The following OLFM3 variants were observed in gnomAD, a reference collection of about 807,000 sequenced individuals.
The protein encoded by OLFM3 is olfactomedin 3.
In OLFM3, 20 loss-of-function variants were observed where a neutral mutation model predicts 48.6. The observed-to-expected ratio is 0.41, with a 90% CI of 0.29 to 0.60. The LOEUF is 0.60. Ranked by LOEUF, OLFM3 falls within the 20% of genes least tolerant of loss-of-function variation. The pLI, the probability that OLFM3 is intolerant of heterozygous loss-of-function variation, is 0.28. For synonymous variants in OLFM3, 222 were observed against 198.1 expected, an observed-to-expected ratio of 1.12 and a Z score of -1.01; for missense variants, 437 against 544.3, an observed-to-expected ratio of 0.80 and a Z score of 1.96.
chr1:101,989,838 G>C (rs1661351449), intron 1 of OLFM3, among the ~76,000 whole-genome samples: 1 of 152,042 alleles, frequency 6.6e-6, no homozygotes, highest in East Asian at 1.9e-4. Flanking sequence ...TCCTAAATGC[G>C]GTCTTTTCTC....
At chr1:101,913,936 T>C (rs1201939773) in intron 1 of OLFM3, among the ~76,000 whole-genome samples, 1 of 152,088 alleles carries the variant, frequency 6.6e-6, no homozygotes, top group African/African-American at 2.4e-5. Context: ...AGAGAACCCA[T>C]TGTAAAACTC....
chr1:101,842,538 C>T (rs1361082516), intron 1 of OLFM3, among the ~76,000 whole-genome samples: 3 of 152,098 alleles, frequency 2.0e-5, no homozygotes, highest in Non-Finnish European at 2.9e-5. Flanking sequence ...CAGAGTGAGA[C>T]TGTCTGAAAA....
chr1:101,823,299 CA>C (rs1178732854), intron 4 of OLFM3, among the ~76,000 whole-genome samples: 1 of 152,034 alleles, frequency 6.6e-6, no homozygotes, highest in East Asian at 1.9e-4. Context: ...CTAGCGAGGA[CA>C]CCAGCTTAGT....
chr1:101,928,585 A>C (rs543992283), intron 1 of OLFM3, among the ~76,000 whole-genome samples: 107 of 152,216 alleles, frequency 7.0e-4, no homozygotes, highest in African/African-American at 2.5e-3. Context: ...AAGTCTTAGA[A>C]TTTCACTCAT....
At chr1:101,871,457 T>A (rs2100976733) in intron 1 of OLFM3, among the ~76,000 whole-genome samples, 1 of 152,246 alleles carries the variant, frequency 6.6e-6, no homozygotes, top group African/African-American at 2.4e-5. Context: ...TAGTAAATTG[T>A]GTAAAAATAT....
chr1:101,858,667 T>C (rs1656525482), intron 1 of OLFM3, among the ~76,000 whole-genome samples: 1 of 151,890 alleles, frequency 6.6e-6, no homozygotes, highest in South Asian at 2.1e-4. Context: ...TCACGAGATA[T>C]GGTTGTTTAA....
At position 101,984,349 on chromosome 1, in the gene OLFM3, A is replaced by G. The variant is rs75452947; in HGVS notation, c.69+12399T>C. On this transcript the variant is annotated intron_variant, in intron 1 of 5. Coordinates refer to ENST00000370103, the MANE Select transcript of OLFM3 (RefSeq NM_058170.4). ...ATTTATTTTTTATATTATAAATGTCAACCAGGGAAAACCTAAACTTATCAT... is the reference window on the plus strand; with the variant it reads ...ATTTATTTTTTATATTATAAATGTCGACCAGGGAAAACCTAAACTTATCAT... Among the ~76,000 whole-genome samples the G allele has an allele frequency of 7.0e-3, 1,061 of 152,234 alleles. 9 individuals carry two copies. Among genetic ancestry groups the G allele is most frequent in the African/African-American group, 0.024 (977 of 41,528 alleles).
At chr1:101,823,163 T>G (rs548217026) in intron 4 of OLFM3, among the ~76,000 whole-genome samples, 1 of 152,112 alleles carries the variant, frequency 6.6e-6, no homozygotes, top group South Asian at 2.1e-4. Context: ...ACATGTAGAG[T>G]GAACATGATA....
At chr1:101,947,767 T>C (rs1660004808) in intron 1 of OLFM3, among the ~76,000 whole-genome samples, 1 of 152,176 alleles carries the variant, frequency 6.6e-6, no homozygotes, top group Non-Finnish European at 1.5e-5. Flanking sequence ...TTAATAGGCA[T>C]ATGATTTTCG....
At position 101,883,776 on chromosome 1, in the gene OLFM3, G is replaced by T. The variant is rs1177442090; in HGVS notation, c.70-46751C>A. Among the ~76,000 whole-genome samples, 4 of 151,764 alleles carry T rather than the reference G, an allele frequency of 2.6e-5. 1 individual carries two copies. The highest frequency in any genetic ancestry group is 5.9e-5 in the Non-Finnish European group (4 of 67,920). On this transcript the variant is annotated intron_variant, in intron 1 of 5. Coordinates refer to ENST00000370103, the MANE Select transcript of OLFM3 (RefSeq NM_058170.4). ...ATTGCATTTTTGTATTCTCAAGAAC[G>T]TATACTTTTAGAGTTACAGGTTACA...
intron 1 of OLFM3, among the ~76,000 whole-genome samples, chr1:101,871,666 A>G (rs530772402): frequency 4.7e-4 from 72 of 152,194 alleles, no homozygotes; most frequent in African/African-American, 1.7e-3. Context: ...AAGCCAAACC[A>G]AACAAATCAT....
chr1:101,829,571 T>G (rs1655044407), intron 3 of OLFM3, among the ~76,000 whole-genome samples: 1 of 152,236 alleles, frequency 6.6e-6, no homozygotes, highest in South Asian at 2.1e-4. Flanking sequence ...AAATGTGTTA[T>G]GCAGAGACTC....
intron 1 of OLFM3, among the ~76,000 whole-genome samples, chr1:101,959,453 T>G (rs1660402358): frequency 6.6e-6 from 1 of 152,108 alleles, no homozygotes; most frequent in South Asian, 2.1e-4. Context: ...CTGTGAATCT[T>G]GATAATAACA....
At chr1:101,985,534 C>T (rs1452918434) in intron 1 of OLFM3, among the ~76,000 whole-genome samples, 1 of 152,110 alleles carries the variant, frequency 6.6e-6, no homozygotes, top group Non-Finnish European at 1.5e-5. Flanking sequence ...TCCCCACTAT[C>T]GGAAACATAT....
intron 1 of OLFM3, among the ~76,000 whole-genome samples, chr1:101,987,620 A>AT (rs1395293347): frequency 6.6e-6 from 1 of 152,110 alleles, no homozygotes. Context: ...TGTAAGTCAT[A>AT]TTTTACCAGT....
At chr1:101,943,578 T>C (rs1222076563) in intron 1 of OLFM3, among the ~76,000 whole-genome samples, 1 of 152,220 alleles carries the variant, frequency 6.6e-6, no homozygotes, top group Non-Finnish European at 1.5e-5. Flanking sequence ...ACGTGATGAT[T>C]CTCTTGAAGA....
chr1:101,939,161 G>A (rs1659712599), intron 1 of OLFM3, among the ~76,000 whole-genome samples: 1 of 152,172 alleles, frequency 6.6e-6, no homozygotes, highest in East Asian at 1.9e-4. Flanking sequence ...GACAGGTGAA[G>A]AGAAAGATTG....
intron 1 of OLFM3, among the ~76,000 whole-genome samples, chr1:101,873,224 C>G (rs2100979138): frequency 6.6e-6 from 1 of 151,864 alleles, no homozygotes; most frequent in East Asian, 1.9e-4. Flanking sequence ...CCAAGCTTCC[C>G]TTTTGTTGCT....
At chr1:101,996,295 A>T (rs569860840) in intron 1 of OLFM3, among the ~76,000 whole-genome samples, 7 of 152,314 alleles carry the variant, frequency 4.6e-5, no homozygotes, top group South Asian at 4.1e-4. Flanking sequence ...AAACCGCAGC[A>T]CGTCTGCGAT....
Sources: allele counts gnomAD v4.1 joint callset (sites outside exome capture counted in the v4.1 genomes callset), GRCh38; gene constraint gnomAD v4.1.1; transcripts MANE v1.5; gene names NCBI Gene and HGNC (gene_info 2026-07-23, HGNC 2026-07-21).